Variants in SLC12A6 observed in about 807,000 individuals in gnomAD.
The protein encoded by SLC12A6 is solute carrier family 12 member 6.
SLC12A6 carries 66 observed loss-of-function variants against 135.3 expected under a neutral mutation model. That is an observed-to-expected ratio of 0.49 (90% CI 0.40 to 0.60). SLC12A6 has a LOEUF of 0.60. SLC12A6 is among the 20% of genes least tolerant of loss of function. The pLI, the probability that SLC12A6 is intolerant of heterozygous loss-of-function variation, is 0.00. For missense variants in SLC12A6, 1,058 were observed against 1,452.3 expected (o/e 0.73, Z 4.41); for synonymous variants, 513 against 508.8 (o/e 1.01, Z -0.11).
At position 34,251,348 on chromosome 15, in the gene SLC12A6, C is replaced by T. The variant is rs1457350941; in HGVS notation, c.1334-291G>A. Among the ~76,000 whole-genome samples, 8 of 152,122 alleles carry T rather than the reference C, an allele frequency of 5.3e-5. No individual in the cohort carries two copies. In the South Asian group the frequency reaches 1.5e-3, roughly 28 times the overall value. On this transcript the variant is annotated intron_variant, in intron 10 of 25. Coordinates refer to ENST00000354181, the MANE Select transcript of SLC12A6 (RefSeq NM_001365088.1). Reference sequence around the variant, plus strand: ...CTGCAAGCTCTGCCTCCCAGGTTCACGCCATTCTCCTGCCTCAGCATCCTG... The same window carrying T: ...CTGCAAGCTCTGCCTCCCAGGTTCATGCCATTCTCCTGCCTCAGCATCCTG...
intron 25 of SLC12A6, 47 bp downstream of exon 25, chr15:34,235,134 G>C: frequency 1.3e-6 from 2 of 1,558,518 alleles, no homozygotes; most frequent in Non-Finnish European, 1.8e-6. Flanking sequence ...TCAGAAAGAG[G>C]TTAAGGAGAT....
intron 2 of SLC12A6, among the ~76,000 whole-genome samples, chr15:34,296,032 G>T (rs1004300042): frequency 6.6e-6 from 1 of 152,148 alleles, no homozygotes; most frequent in Non-Finnish European, 1.5e-5. Flanking sequence ...TTGGAATGTT[G>T]TGATACAATT....
Position 34,256,262 on chromosome 15 carries a change from T to C in SLC12A6, c.712A>G (p.Met238Val). ...ACTCCATTAGTGGCAATGGCACTCATGGAGATAGCAGTCAACATTGTCTGC... is the reference window on the plus strand; with the variant it reads ...ACTCCATTAGTGGCAATGGCACTCACGGAGATAGCAGTCAACATTGTCTGC... ...CCCTMLTAIS[M>V]SAIATNGVVP... The change falls in exon 7 of 26, where the codon ATG (methionine) becomes GTG (valine). Residue 238 changes from methionine to valine, a missense_variant. Physicochemically the swap from Met to Val is conservative, Grantham distance 21 (BLOSUM62 1). Transcript: ENST00000354181. 1.2e-6 allele frequency: 2 copies of C among 1,606,288 alleles called. No homozygotes were observed. The highest frequency in any genetic ancestry group is 8.5e-7 in the Non-Finnish European group (1 of 1,172,912).
At position 34,336,427 on chromosome 15, in the gene SLC12A6, G is replaced by C; in HGVS notation, c.254C>G (p.Pro85Arg). ...CTACTTACCCTCGATGACATCCTGG[G>C]GGTGAGAAGTCCGGTCACTGGGTGG... ...LDPPSDRTSH[P>R]QDVIEDLSQN... The change falls in exon 2 of 26, where the codon CCC becomes CGC. Residue 85 changes from proline (P) to arginine (R), a missense_variant. By Grantham distance (103) the Pro-to-Arg change is moderately radical. Coordinates refer to ENST00000354181, the MANE Select transcript of SLC12A6 (RefSeq NM_001365088.1). 1 of 1,613,860 alleles carries C rather than the reference G, an allele frequency of 6.2e-7. No homozygotes were observed. Among genetic ancestry groups the C allele is most frequent in the South Asian group, 1.1e-5 (1 of 91,072 alleles).
chr15:34,239,238 A>G, intron 19 of SLC12A6, 78 bp from the exon 20 acceptor site: 3 of 1,068,624 alleles, frequency 2.8e-6, no homozygotes, highest in Non-Finnish European at 4.4e-6. Flanking sequence ...TCCATATTAT[A>G]TCCCCCACCT....
intron 2 of SLC12A6, among the ~76,000 whole-genome samples, chr15:34,297,227 G>C (rs771631631): frequency 5.3e-5 from 8 of 152,080 alleles, no homozygotes; most frequent in Non-Finnish European, 1.0e-4. Flanking sequence ...CTGCTTTATT[G>C]TATCTATTTT....
chr15:34,308,653 CAAACCAG>C (rs1211847545), intron 2 of SLC12A6, among the ~76,000 whole-genome samples: 2 of 87,698 alleles, frequency 2.3e-5, no homozygotes, highest in Non-Finnish European at 2.4e-5. Flanking sequence ...AAAAAAAAAA[CAAACCAG>C]ATTGTTGGAT....
At chr15:34,330,364 G>C (rs1283520358) in intron 2 of SLC12A6, among the ~76,000 whole-genome samples, 1 of 152,172 alleles carries the variant, frequency 6.6e-6, no homozygotes, top group Non-Finnish European at 1.5e-5. Flanking sequence ...ATAGAGAAGA[G>C]AGGAAAAACA....
chr15:34,269,720 CTT>C (rs897256076), intron 3 of SLC12A6, among the ~76,000 whole-genome samples: 90 of 145,972 alleles, frequency 6.2e-4, no homozygotes, highest in African/African-American at 1.9e-3. Context: ...TTAACATGCT[CTT>C]TTTTTTTTTG....
At chr15:34,296,592 G>A (rs544236893) in intron 2 of SLC12A6, among the ~76,000 whole-genome samples, 1 of 152,258 alleles carries the variant, frequency 6.6e-6, no homozygotes, top group African/African-American at 2.4e-5. Context: ...ATCACAACAA[G>A]GCATGTATGA....
chr15:34,243,051 G>A (rs531983048), intron 16 of SLC12A6, among the ~76,000 whole-genome samples: 2 of 152,190 alleles, frequency 1.3e-5, no homozygotes, highest in South Asian at 4.2e-4. Flanking sequence ...GTGCCACCAT[G>A]CCCGGCTACT....
chr15:34,309,748 G>A (rs887923418), intron 2 of SLC12A6, among the ~76,000 whole-genome samples: 9 of 152,152 alleles, frequency 5.9e-5, no homozygotes, highest in East Asian at 1.9e-4. Flanking sequence ...TGGATACTGC[G>A]GGTTGGGGAA....
chr15:34,334,816 A>T (rs1890096159), intron 2 of SLC12A6, among the ~76,000 whole-genome samples: 2 of 152,292 alleles, frequency 1.3e-5, no homozygotes, highest in South Asian at 4.1e-4. Context: ...TTACCCCTAT[A>T]GTGTAAAAGG....
intron 2 of SLC12A6, among the ~76,000 whole-genome samples, chr15:34,286,228 C>T (rs1895069212): frequency 6.6e-6 from 1 of 151,974 alleles, no homozygotes; most frequent in Non-Finnish European, 1.5e-5. Flanking sequence ...CACGTGCCAC[C>T]ATGCTCAACT....
rs1890932747 is a variant in SLC12A6, at chr15:34,231,569, T to A, written c.*2312A>T. On this transcript the variant is annotated 3_prime_UTR_variant, in exon 26 of 26. Coordinates refer to ENST00000354181, the MANE Select transcript of SLC12A6 (RefSeq NM_001365088.1). ...AGCAAGCAAAGGGAACAAATCAAAA[T>A]TACTCAATTTCTTTCTTTCTTTCTT... 1 of 151,218 alleles carries A rather than the reference T, an allele frequency of 6.6e-6. No homozygotes were observed. Among genetic ancestry groups the A allele is most frequent in the African/African-American group, 2.4e-5 (1 of 41,038 alleles). 9.4% of individuals were successfully genotyped at this position (151,218 alleles called of 1,614,324 possible). A position where few individuals can be genotyped will look rare whatever the true frequency, so the allele number is the denominator to read the frequency against.
At chr15:34,318,866 C>T in intron 2 of SLC12A6, 1 of 1,426,710 alleles carries the variant, frequency 7.0e-7, no homozygotes, top group Non-Finnish European at 9.2e-7. Context: ...CGCTTGAAGA[C>T]ACGCCTTCCA....
intron 5 of SLC12A6, 115 bp downstream of exon 5, chr15:34,258,698 C>A: frequency 1.1e-6 from 1 of 909,024 alleles, no homozygotes; most frequent in Non-Finnish European, 1.8e-6. Flanking sequence ...CAGTTCCAGG[C>A]ACCTCTCAAG....
intron 10 of SLC12A6, among the ~76,000 whole-genome samples, chr15:34,251,415 T>G (rs1333090989): frequency 1.3e-5 from 2 of 151,980 alleles, no homozygotes; most frequent in African/African-American, 4.8e-5. Flanking sequence ...GCCCAGCTAA[T>G]TTTTTATATT....
chr15:34,293,759 C>T (rs1327977237), intron 2 of SLC12A6, among the ~76,000 whole-genome samples: 1 of 152,128 alleles, frequency 6.6e-6, no homozygotes, highest in Non-Finnish European at 1.5e-5. Context: ...GCCGTCACAC[C>T]TTGCTAATTA....
Sources: allele counts gnomAD v4.1 joint callset (sites outside exome capture counted in the v4.1 genomes callset), GRCh38; gene constraint gnomAD v4.1.1; transcripts MANE v1.5; gene names NCBI Gene and HGNC (gene_info 2026-07-23, HGNC 2026-07-21).